Variants in VEGFA observed in about 807,000 individuals in gnomAD.
VEGFA encodes the protein vascular endothelial growth factor A, long form.
In VEGFA, 20 loss-of-function variants were observed where a neutral mutation model predicts 49.7. The ratio of observed to expected loss-of-function variants is 0.40; its 90% CI spans 0.28 to 0.58. The LOEUF is 0.58. Ranked by LOEUF, VEGFA falls within the 20% of genes least tolerant of loss-of-function variation. The pLI, the probability that VEGFA is intolerant of heterozygous loss-of-function variation, is 0.40. For missense variants in VEGFA, 505 were observed against 553.5 expected, an observed-to-expected ratio of 0.91 and a Z score of 0.88; for synonymous variants, 219 against 223.4, an observed-to-expected ratio of 0.98 and a Z score of 0.18.
Position 43,774,331 on chromosome 6 carries a change from C to G in VEGFA, c.607-10C>G, listed in dbSNP as rs781745747. ...CCCATGCCCATGCCTTGCTCTCTTT[C>G]TGTCCTCAGTGGTCCCAGGCTGCAC... On this transcript the variant is annotated splice_polypyrimidine_tract_variant and intron_variant, in intron 1 of 7. Coordinates refer to ENST00000672860, the MANE Select transcript of VEGFA (RefSeq NM_003376.6). 4 of 1,614,120 alleles carry G rather than the reference C, an allele frequency of 2.5e-6. No homozygotes were observed. Among genetic ancestry groups the G allele is most frequent in the South Asian group, 1.1e-5 (1 of 91,088 alleles).
chr6:43,777,503 C>T lies in VEGFA; in HGVS notation c.693C>T (p.Tyr231=), dbSNP rs1582497742. The change falls in exon 3 of 8, where the codon TAC becomes TAT. Residue 231 remains tyrosine (Y), a synonymous_variant. Transcript: ENST00000672860. This position sits in a 1 kb window ranked among gnomAD's most constrained non-coding sequence, Gnocchi z 4.3. ...TCATGGATGTCTATCAGCGCAGCTA[C>T]TGCCATCCAATCGAGACCCTGGTGG... The T allele has an allele frequency of 6.2e-7, 1 of 1,614,198 alleles. No individual in the cohort carries two copies. Among genetic ancestry groups the T allele is most frequent in the Non-Finnish European group, 8.5e-7 (1 of 1,180,034 alleles).
Position 43,777,322 on chromosome 6 carries a change from C to A in VEGFA, c.659-147C>A. On this transcript the variant is annotated intron_variant, in intron 2 of 7. Transcript: ENST00000672860. The surrounding 1 kb of genome is among the most constrained non-coding windows in gnomAD (Gnocchi z 4.3). The stretch of plus-strand genomic sequence containing the variant: ...GGAAAGCTTAGGGAAGTGCTTCAAA[C>A]ACAGTAGGAGGGACTTACGTTAGAT... The A allele has an allele frequency of 2.4e-6, 2 of 846,026 alleles. No homozygotes were observed. The highest frequency in any genetic ancestry group is 3.9e-6 in the Non-Finnish European group (2 of 517,978). The allele number at this position is 846,026 out of a possible 1,614,324, so 52.4% of individuals were successfully genotyped here.
intron 7 of VEGFA, 79 bp downstream of exon 7, chr6:43,782,166 G>T: frequency 6.3e-7 from 1 of 1,580,542 alleles, no homozygotes; most frequent in Non-Finnish European, 8.6e-7. Flanking sequence ...GAGAGTGAGC[G>T]AGCGAGCGAG....
intron 1 of VEGFA, chr6:43,772,033 T>G (rs1312925772): frequency 2.0e-6 from 2 of 985,152 alleles, no homozygotes; most frequent in African/African-American, 3.5e-5. Context: ...GCTGCCCGAA[T>G]GGGGAGCCCA....
rs1004481569 is a variant in VEGFA at position 43,770,920 on chromosome 6, G to T, written c.214G>T (p.Gly72Trp). 208 of 1,544,692 alleles carry T rather than the reference G, an allele frequency of 1.3e-4. No homozygotes were observed. The highest frequency in any genetic ancestry group is 1.8e-4 in the Non-Finnish European group (206 of 1,145,522). Reference sequence around the variant, plus strand: ...CTTCGGAGGAGCCGTGGTCCGCGCGGGGGAAGCCGAGCCGAGCGGAGCCGC... The same window carrying T: ...CTTCGGAGGAGCCGTGGTCCGCGCGTGGGAAGCCGAGCCGAGCGGAGCCGC... The change falls in exon 1 of 8, where the codon GGG becomes TGG. Residue 72 changes from glycine to tryptophan, a missense_variant. By Grantham distance (184) the Gly-to-Trp change is radical. Coordinates refer to ENST00000672860, the MANE Select transcript of VEGFA (RefSeq NM_003376.6).
rs1223861034 is a variant in VEGFA, at chr6:43,770,383, C to G, written c.-324C>G. 1 of 365,698 alleles carries G rather than the reference C, an allele frequency of 2.7e-6. No homozygotes were observed. The highest frequency in any genetic ancestry group is 4.4e-5 in the East Asian group (1 of 22,476). 22.7% of individuals were successfully genotyped at this position (365,698 alleles called of 1,614,324 possible). A position where few individuals can be genotyped will look rare whatever the true frequency, so the allele number is the denominator to read the frequency against. On this transcript the variant is annotated 5_prime_UTR_variant, in exon 1 of 8. Transcript: ENST00000672860. ...CCGGGTTTTATCCCTCTTCTTTTTT[C>G]TTAAACATTTTTTTTTAAAACTGTA...
intron 6 of VEGFA, chr6:43,781,067 G>A: frequency 3.9e-6 from 3 of 772,230 alleles, no homozygotes; most frequent in East Asian, 2.8e-5. Context: ...CCCTGGCTTG[G>A]CTGGGCACCG....
Position 43,778,673 on chromosome 6 carries a change from C to T in VEGFA, c.932+137C>T, listed in dbSNP as rs3025047. Reference sequence around the variant, plus strand: ...ACCTTTGGCATTTTACTTCAATGTGCCTCAGTTTCTACATCTGTAAAATGG... The same window carrying T: ...ACCTTTGGCATTTTACTTCAATGTGTCTCAGTTTCTACATCTGTAAAATGG... On this transcript the variant is annotated intron_variant, in intron 4 of 7. Coordinates refer to ENST00000672860, the MANE Select transcript of VEGFA (RefSeq NM_003376.6). The T allele has an allele frequency of 8.9e-3, 9,559 of 1,068,890 alleles. 74 individuals are homozygous for T. The highest frequency in any genetic ancestry group is 0.011 in the Non-Finnish European group (7,533 of 706,822). The allele number at this position is 1,068,890 out of a possible 1,614,324, so 66.2% of individuals were successfully genotyped here.
chr6:43,781,475 G>A (rs540139080), intron 6 of VEGFA: 133 of 258,110 alleles, frequency 5.2e-4, no homozygotes, highest in Admixed American at 2.1e-3. Flanking sequence ...GGCCACCAGC[G>A]GCCTGGCCTG....
chr6:43,776,137 C>T (rs1765342721), intron 2 of VEGFA: 1 of 152,206 alleles, frequency 6.6e-6, no homozygotes, highest in African/African-American at 2.4e-5. Flanking sequence ...GAAATGGAAG[C>T]CAAAACACCA....
At chr6:43,784,309 G>A (rs1562000190) in intron 7 of VEGFA, 1 of 609,086 alleles carries the variant, frequency 1.6e-6, no homozygotes, top group African/African-American at 1.9e-5. Flanking sequence ...GGGTAGACTG[G>A]GAGCCCCTGA....
chr6:43,771,598 G>A (rs985234194), intron 1 of VEGFA, among the ~76,000 whole-genome samples: 7 of 152,164 alleles, frequency 4.6e-5, no homozygotes, highest in Non-Finnish European at 1.0e-4. Context: ...GCCGGAGGAG[G>A]AGGCCGAGGG....
rs1765840441 is a variant in VEGFA at position 43,777,552 on chromosome 6, G to A, written c.742G>A (p.Glu248Lys). 2 of 1,614,220 alleles carry A rather than the reference G, an allele frequency of 1.2e-6. No individual in the cohort carries two copies. The highest frequency in any genetic ancestry group is 8.5e-7 in the Non-Finnish European group (1 of 1,180,048). Residue 248 changes from glutamate to lysine, a missense_variant, in exon 3 of 8, where the codon GAG (glutamate) becomes AAG (lysine). By Grantham distance (56) the Glu-to-Lys change is moderately conservative (BLOSUM62 1). Coordinates refer to ENST00000672860, the MANE Select transcript of VEGFA (RefSeq NM_003376.6). This position sits in a 1 kb window ranked among gnomAD's most constrained non-coding sequence, Gnocchi z 4.3. ...GGACATCTTCCAGGAGTACCCTGAT[G>A]AGATCGAGTACATCTTCAAGCCATC... is the stretch of plus-strand genomic sequence containing the variant.
chr6:43,774,486 G>A (rs1764649819), intron 2 of VEGFA, 94 bp downstream of exon 2: 1 of 1,420,648 alleles, frequency 7.0e-7, no homozygotes, highest in Non-Finnish European at 9.9e-7. Context: ...TGGGGAGGAA[G>A]GGGAAGGGGC....
At chr6:43,780,112 C>CTCCCCT in intron 5 of VEGFA, 3 of 217,314 alleles carry the variant, frequency 1.4e-5, no homozygotes, top group South Asian at 1.5e-4. Flanking sequence ...CCCTGCCTCC[C>CTCCCCT]AGTCCAGGTC....
In VEGFA at chr6:43,784,739, G is replaced by A; in HGVS notation, c.*177G>A. 1 of 1,246,990 alleles carries A rather than the reference G, an allele frequency of 8.0e-7. No individual in the cohort carries two copies. Among genetic ancestry groups the A allele is most frequent in the Non-Finnish European group, 1.2e-6 (1 of 861,880 alleles). The allele number at this position is 1,246,990 out of a possible 1,614,324, so 77.2% of individuals were successfully genotyped here. ...GAAGGAAGAGGAGACTCTGCGCAGA[G>A]CACTTTGGGTCCGGAGGGCGAGACT... On this transcript the variant is annotated 3_prime_UTR_variant, in exon 8 of 8. Coordinates refer to ENST00000672860, the MANE Select transcript of VEGFA (RefSeq NM_003376.6).
In VEGFA at chr6:43,782,122, G is replaced by T. The variant is rs527871008; in HGVS notation, c.1166+35G>T. 2.5e-6 allele frequency: 4 copies of T among 1,610,776 alleles called. No homozygotes were observed. The South Asian group carries it at 3.3e-5, about 13-fold the overall frequency. On this transcript the variant is annotated intron_variant, in intron 7 of 7. Coordinates refer to ENST00000672860, the MANE Select transcript of VEGFA (RefSeq NM_003376.6). ...CAGAGGGCAAGCAAGTCAGAGAGGG[G>T]CATCACACAGAGATGGGGAGAGAGA...
In VEGFA at chr6:43,773,346, G is replaced by A. The variant is rs895942019; in HGVS notation, c.607-995G>A. On this transcript the variant is annotated intron_variant, in intron 1 of 7. Coordinates refer to ENST00000672860, the MANE Select transcript of VEGFA (RefSeq NM_003376.6). The surrounding 1 kb of genome is among the most constrained non-coding windows in gnomAD (Gnocchi z 5.6). The stretch of plus-strand genomic sequence containing the variant: ...TGCTGGGCGGGAGGGGAGTTGGTGA[G>A]AGCTGGAGACCCCCAGGAAGGGCTG... 3 of 152,352 alleles carry A rather than the reference G, an allele frequency of 2.0e-5. No individual in the cohort carries two copies. Among genetic ancestry groups the A allele is most frequent in the Non-Finnish European group, 4.4e-5 (3 of 68,174 alleles). 9.4% of individuals were successfully genotyped at this position (152,352 alleles called of 1,614,324 possible). A position where few individuals can be genotyped will look rare whatever the true frequency, so the allele number is the denominator to read the frequency against.
intron 3 of VEGFA, 115 bp from the exon 4 acceptor site, chr6:43,778,345 C>G: frequency 1.1e-6 from 1 of 874,392 alleles, no homozygotes; most frequent in South Asian, 1.4e-5. Flanking sequence ...CCTCCACCAC[C>G]CATCCCTGCT....
Sources: gnomAD v4.1 joint callset for allele counts (sites outside exome capture counted in the v4.1 genomes callset) on GRCh38, gnomAD v4.1.1 for gene constraint, Gnocchi (gnomAD v3.1) non-coding constraint, MANE v1.5 for transcripts, NCBI Gene and HGNC (gene_info 2026-07-23, HGNC 2026-07-21) for gene names.